The following MCF2L2 variants were observed in gnomAD, a reference collection of about 807,000 sequenced individuals.
MCF2L2 encodes MCF.2 cell line derived transforming sequence-like 2, also known as probable guanine nucleotide exchange factor MCF2L2.
In MCF2L2, 102 loss-of-function variants were observed where a neutral mutation model predicts 150.2. The ratio of observed to expected loss-of-function variants is 0.68; its 90% CI spans 0.58 to 0.80. The LOEUF (loss-of-function observed/expected upper bound fraction) is 0.80, where lower values mean the gene tolerates loss of function less well. Ranked by LOEUF, MCF2L2 falls within the 30% of genes least tolerant of loss-of-function variation. The pLI is 0.00. For synonymous variants in MCF2L2, 465 were observed against 491.3 expected, an observed-to-expected ratio of 0.95 and a Z score of 0.71; for missense variants, 1,256 against 1,372.8, an observed-to-expected ratio of 0.91 and a Z score of 1.34.
chr3:183,347,857 T>C (rs1257549325), intron 3 of MCF2L2, among the ~76,000 whole-genome samples: 1 of 152,134 alleles, frequency 6.6e-6, no homozygotes, highest in African/African-American at 2.4e-5. Flanking sequence ...TGAGATACCA[T>C]CTCACACAAG....
In MCF2L2 at chr3:183,215,593, C is replaced by A. The variant is rs534190090; in HGVS notation, c.2496+376G>T. Among the ~76,000 whole-genome samples the A allele has an allele frequency of 3.3e-5, 5 of 152,316 alleles. No individual in the cohort carries two copies. The East Asian group carries it at 9.6e-4, about 29-fold the overall frequency. ...GAATATAGGACCTGTTTCCAAAATA[C>A]TTTTCTTAGAGAAACTCTGAAACAA... On this transcript the variant is annotated intron_variant, in intron 22 of 29. Coordinates refer to ENST00000328913, the MANE Select transcript of MCF2L2 (RefSeq NM_015078.4).
intron 1 of MCF2L2, among the ~76,000 whole-genome samples, chr3:183,417,144 AAT>A (rs1321088254): frequency 1.2e-4 from 17 of 144,564 alleles, no homozygotes; most frequent in African/African-American, 3.7e-4. Flanking sequence ...AAAAAAAAAA[AAT>A]GGTAATTTAG....
At chr3:183,417,342 CTCT>C (rs1715653478) in intron 1 of MCF2L2, among the ~76,000 whole-genome samples, 1 of 152,082 alleles carries the variant, frequency 6.6e-6, no homozygotes, top group Non-Finnish European at 1.5e-5. Flanking sequence ...TCATAAGAAG[CTCT>C]TCAACTTATG....
chr3:183,427,324 T>TA (rs1407873291), intron 1 of MCF2L2, among the ~76,000 whole-genome samples: 3 of 152,138 alleles, frequency 2.0e-5, no homozygotes, highest in Non-Finnish European at 4.4e-5. Context: ...GGAAGAAGAT[T>TA]AAAATTGCTC....
intron 21 of MCF2L2, among the ~76,000 whole-genome samples, chr3:183,216,568 ATATATATATATATTTTTTTT>A (rs2073115341): frequency 1.1e-3 from 8 of 6,996 alleles, no homozygotes; most frequent in African/African-American, 4.2e-3. Flanking sequence ...ATATATATAT[ATATATATATATATTTTTTTT>A]TTTTTTTTTT....
chr3:183,234,687 CTTTTTTTTTTTT>C (rs71185647), intron 15 of MCF2L2, among the ~76,000 whole-genome samples: 1 of 84,248 alleles, frequency 1.2e-5, no homozygotes, highest in African/African-American at 5.2e-5. Flanking sequence ...ATGTATGACT[CTTTTTTTTTTTT>C]TTTTTTTTTT....
chr3:183,322,919 C>T (rs1187273377), intron 6 of MCF2L2, among the ~76,000 whole-genome samples: 1 of 152,104 alleles, frequency 6.6e-6, no homozygotes, highest in Admixed American at 6.5e-5. Flanking sequence ...TAAGACCCAT[C>T]CCACATGAAG....
chr3:183,295,510 G>T, intron 12 of MCF2L2, 33 bp from the exon 13 acceptor site: 1 of 1,606,560 alleles, frequency 6.2e-7, no homozygotes, highest in South Asian at 1.1e-5. Flanking sequence ...TGATGAACAG[G>T]TCTCTCTGTA....
chr3:183,272,765 A>G, intron 15 of MCF2L2: 2 of 1,093,258 alleles, frequency 1.8e-6, no homozygotes, highest in Non-Finnish European at 2.2e-6. Context: ...TTAATGATGT[A>G]TTGCCTTTTG....
At chr3:183,403,316 CAA>C (rs1423212294) in intron 1 of MCF2L2, among the ~76,000 whole-genome samples, 1 of 152,038 alleles carries the variant, frequency 6.6e-6, no homozygotes, top group African/African-American at 2.4e-5. Context: ...TTATAACCAG[CAA>C]AAGAGTCTTA....
chr3:183,216,089 C>T lies in MCF2L2; in HGVS notation c.2376G>A (p.Gly792=). 1.1e-5 allele frequency: 18 copies of T among 1,613,112 alleles called. No individual in the cohort carries two copies. The highest frequency in any genetic ancestry group is 1.5e-5 in the Non-Finnish European group (18 of 1,179,566). The change falls in exon 22 of 30, where the codon GGG becomes GGA. Residue 792 remains glycine (G), a synonymous_variant. Coordinates refer to ENST00000328913, the MANE Select transcript of MCF2L2 (RefSeq NM_015078.4). ...ATGCTGAATCTTTGGTTCTCTTTGGCCCATCCTGTGGAAAACAAATGCCTT... is the reference window on the plus strand; with the variant it reads ...ATGCTGAATCTTTGGTTCTCTTTGGTCCATCCTGTGGAAAACAAATGCCTT... ...PGELGGSAKD[G]PKRTKDSAFS...
intron 1 of MCF2L2, among the ~76,000 whole-genome samples, chr3:183,406,800 C>A (rs945769757): frequency 6.6e-6 from 1 of 152,044 alleles, no homozygotes; most frequent in Non-Finnish European, 1.5e-5. Flanking sequence ...ATTCACAAAT[C>A]TTTTTTCCCC....
intron 19 of MCF2L2, 41 bp from the exon 20 acceptor site, chr3:183,223,479 A>G: frequency 7.0e-7 from 1 of 1,434,488 alleles, no homozygotes; most frequent in Non-Finnish European, 9.8e-7. Flanking sequence ...CAAAACAAAC[A>G]ACACACACAG....
intron 1 of MCF2L2, among the ~76,000 whole-genome samples, chr3:183,423,873 C>T (rs1307511913): frequency 1.3e-5 from 2 of 151,920 alleles, no homozygotes; most frequent in South Asian, 2.1e-4. Flanking sequence ...CTGCCTGCCT[C>T]GGCCTCCCAA....
chr3:183,336,558 T>C (rs1365329759), intron 5 of MCF2L2, among the ~76,000 whole-genome samples: 2 of 152,032 alleles, frequency 1.3e-5, no homozygotes, highest in African/African-American at 4.8e-5. Flanking sequence ...AATCAAGATA[T>C]GGAACCTAGC....
intron 3 of MCF2L2, chr3:183,373,555 C>G (rs1423068386): frequency 2.0e-5 from 3 of 152,116 alleles, no homozygotes; most frequent in Non-Finnish European, 2.9e-5. Flanking sequence ...CTTCTTCACA[C>G]CCCTCAAATG....
intron 15 of MCF2L2, chr3:183,272,026 TA>T: frequency 4.0e-6 from 2 of 495,844 alleles, no homozygotes; most frequent in Non-Finnish European, 5.4e-6. Context: ...TTATAATATC[TA>T]AAACAATTTA....
intron 1 of MCF2L2, among the ~76,000 whole-genome samples, chr3:183,393,672 G>A (rs540005759): frequency 5.9e-5 from 9 of 152,282 alleles, no homozygotes; most frequent in South Asian, 2.1e-4. Flanking sequence ...AAATACAGAC[G>A]GTATCAAAGG....
intron 25 of MCF2L2, among the ~76,000 whole-genome samples, chr3:183,199,171 G>A (rs1411212134): frequency 1.3e-5 from 2 of 152,130 alleles, no homozygotes; most frequent in African/African-American, 4.8e-5. Flanking sequence ...AGCTTTGCAC[G>A]TTCCTGAGCA....
Sources: allele counts gnomAD v4.1 joint callset (sites outside exome capture counted in the v4.1 genomes callset), GRCh38; gene constraint gnomAD v4.1.1; transcripts MANE v1.5; gene names NCBI Gene and HGNC (gene_info 2026-07-23, HGNC 2026-07-21).